SPRY3: variants seen among roughly 807,000 people sequenced by gnomAD.
SPRY3 encodes the protein protein sprouty homolog 3.
SPRY3 carries 15 observed loss-of-function variants against 20.2 expected under a neutral mutation model. The observed-to-expected ratio is 0.74, with a 90% CI of 0.50 to 1.14. SPRY3 has a LOEUF of 1.14. Ranked by LOEUF, SPRY3 falls within the 50% of genes most tolerant of loss-of-function variation. SPRY3 has a pLI of 0.00. For missense variants in SPRY3, 364 were observed against 363.9 expected (o/e 1.00, Z 0.00); for synonymous variants, 143 against 136.5 (o/e 1.05, Z -0.33).
At chrX:155,728,203 C>G (rs2091111956) in intron 2 of SPRY3, among the ~76,000 whole-genome samples, 1 of 152,146 alleles carries the variant, frequency 6.6e-6, no homozygotes. Context: ...CCCAGAGGGG[C>G]ACCTGCCTGT....
intron 1 of SPRY3, among the ~76,000 whole-genome samples, chrX:155,624,930 G>T (rs1557349813): frequency 9.0e-6 from 1 of 111,302 alleles, no homozygotes; most frequent in African/African-American, 3.3e-5. Flanking sequence ...TTACATTCTA[G>T]TACAAACGTA....
chrX:155,634,104 G>T (rs1268463458), intron 1 of SPRY3, among the ~76,000 whole-genome samples: 2 of 110,000 alleles, frequency 1.8e-5, no homozygotes, highest in Non-Finnish European at 3.8e-5. Flanking sequence ...AGAATCTATC[G>T]CTTCGGTGAA....
chrX:155,682,069 C>T (rs962723715), intron 2 of SPRY3, among the ~76,000 whole-genome samples: 1 of 112,528 alleles, frequency 8.9e-6, no homozygotes, highest in African/African-American at 3.2e-5. Flanking sequence ...GAAGTCAACA[C>T]CTGATTTCAA....
intron 1 of SPRY3, among the ~76,000 whole-genome samples, chrX:155,646,543 T>C (rs1017762414): frequency 8.9e-6 from 1 of 111,786 alleles, no homozygotes; most frequent in Non-Finnish European, 1.9e-5. Flanking sequence ...TTCTTTTTAA[T>C]ACCATCATAA....
chrX:155,758,972 G>A (rs1214208762), intron 2 of SPRY3, among the ~76,000 whole-genome samples: 2 of 152,042 alleles, frequency 1.3e-5, no homozygotes, highest in African/African-American at 2.4e-5. Flanking sequence ...CAAGCTGAGT[G>A]TAAGGGACCC....
chrX:155,704,216 G>A (rs2090931989), intron 2 of SPRY3, among the ~76,000 whole-genome samples: 1 of 151,664 alleles, frequency 6.6e-6, no homozygotes, highest in Non-Finnish European at 1.5e-5. Context: ...CTCTCTGACA[G>A]GTAACTTAAA....
At chrX:155,664,965 G>A (rs1014729192) in intron 2 of SPRY3, among the ~76,000 whole-genome samples, 38 of 109,925 alleles carry the variant, frequency 3.5e-4, no homozygotes, top group Admixed American at 2.9e-3. Context: ...AAAGGTAAAG[G>A]CAAGTTACAG....
In SPRY3 at chrX:155,767,909, G is replaced by GTTT. The variant is rs1280970476; in HGVS notation, c.-281-51_-281-49dup. ...GACTCGCCCCCTCCCCCGTTTTTTT[G>GTTT]TTTTGTTTTGTTTTGTTTTGTTTTG... is the stretch of plus-strand genomic sequence containing the variant. On this transcript the variant is annotated intron_variant, in intron 2 of 3. Coordinates refer to ENST00000675360, the Ensembl canonical transcript of SPRY3. The GTTT allele has an allele frequency of 8.5e-3, 1,248 of 147,554 alleles. 22 individuals are homozygous for GTTT. Among genetic ancestry groups the GTTT allele is most frequent in the African/African-American group, 0.029 (1,158 of 39,770 alleles). 9.1% of individuals were successfully genotyped at this position (147,554 alleles called of 1,614,324 possible).
intron 1 of SPRY3, among the ~76,000 whole-genome samples, chrX:155,649,438 A>C (rs1283354007): frequency 9.0e-6 from 1 of 111,648 alleles, no homozygotes; most frequent in Non-Finnish European, 1.9e-5. Context: ...AGTAGGCTTC[A>C]TCCCTGGGAT....
chrX:155,628,075 G>A (rs1557350109), intron 1 of SPRY3, among the ~76,000 whole-genome samples: 1 of 111,488 alleles, frequency 9.0e-6, no homozygotes, highest in African/African-American at 3.3e-5. Flanking sequence ...CATTTGGGTT[G>A]ATTCTATGTG....
chrX:155,761,701 C>T (rs1569397740), intron 2 of SPRY3, among the ~76,000 whole-genome samples: 1 of 147,946 alleles, frequency 6.8e-6, no homozygotes, highest in African/African-American at 2.6e-5. Context: ...TCTCTGCAGC[C>T]TTGCCAGCAC....
chrX:155,770,130 T>C, intron 3 of SPRY3, among the ~76,000 whole-genome samples: 2 of 152,292 alleles, frequency 1.3e-5, no homozygotes, highest in Middle Eastern at 3.4e-3. Flanking sequence ...ATTGAACCCG[T>C]GAGACTGGGA....
chrX:155,733,564 G>T (rs1409358960), intron 2 of SPRY3, among the ~76,000 whole-genome samples: 1 of 151,782 alleles, frequency 6.6e-6, no homozygotes, highest in Non-Finnish European at 1.5e-5. Flanking sequence ...ATTTTTAAGG[G>T]CCCAAGGACT....
intron 2 of SPRY3, among the ~76,000 whole-genome samples, chrX:155,751,232 G>A (rs1035467655): frequency 1.3e-5 from 2 of 151,828 alleles, no homozygotes; most frequent in South Asian, 4.2e-4. Context: ...GGAAAACCAA[G>A]CTTGAGGTTC....
chrX:155,620,765 T>C (rs2067868649), intron 1 of SPRY3, among the ~76,000 whole-genome samples: 1 of 112,074 alleles, frequency 8.9e-6, no homozygotes, highest in Non-Finnish European at 1.9e-5. Flanking sequence ...GGTTACACAG[T>C]GTATACATTT....
At chrX:155,620,673 G>C (rs1251328237) in intron 1 of SPRY3, among the ~76,000 whole-genome samples, 1 of 111,539 alleles carries the variant, frequency 9.0e-6, no homozygotes, top group Non-Finnish European at 1.9e-5. Flanking sequence ...TCCTGGAGCA[G>C]AGGAGTTGTG....
At chrX:155,767,904 T>TTTTTGTTTTGTTTTG (rs927819283) in intron 2 of SPRY3, 58 bp from the exon 2 acceptor site, 1 of 151,554 alleles carries the variant, frequency 6.6e-6, no homozygotes, top group Non-Finnish European at 1.5e-5. Context: ...CTCCCCCGTT[T>TTTTTGTTTTGTTTTG]TTTTGTTTTG....
At chrX:155,622,669 G>T (rs2067875293) in intron 1 of SPRY3, among the ~76,000 whole-genome samples, 1 of 112,151 alleles carries the variant, frequency 8.9e-6, no homozygotes, top group Non-Finnish European at 1.9e-5. Flanking sequence ...GATCATCACA[G>T]TGTCCTGGAA....
At chrX:155,684,013 G>A (rs1316505283) in intron 2 of SPRY3, among the ~76,000 whole-genome samples, 6 of 110,413 alleles carry the variant, frequency 5.4e-5, no homozygotes, top group Admixed American at 9.6e-5. Flanking sequence ...GATGGGGGCC[G>A]ACAGGTGGCC....
Sources: gnomAD v4.1 joint callset for allele counts (sites outside exome capture counted in the v4.1 genomes callset) on GRCh38, gnomAD v4.1.1 for gene constraint, MANE v1.5 for transcripts, NCBI Gene and HGNC (gene_info 2026-07-23, HGNC 2026-07-21) for gene names.